Variants in PRKN observed in about 807,000 individuals in gnomAD.
The protein encoded by PRKN is E3 ubiquitin-protein ligase parkin.
Under a neutral mutation model 59.5 loss-of-function variants are expected in PRKN, and 56 were observed. The ratio of observed to expected loss-of-function variants is 0.94; its 90% CI spans 0.76 to 1.18. PRKN has a LOEUF of 1.18. Ranked by LOEUF, PRKN falls within the 50% of genes most tolerant of loss-of-function variation. The probability of loss-of-function intolerance (pLI) is 0.00; values close to 1 mark genes in which losing one functional copy is unlikely to be tolerated. For missense variants in PRKN, 657 were observed against 596.4 expected, an observed-to-expected ratio of 1.10 and a Z score of -1.06; for synonymous variants, 250 against 222.1, an observed-to-expected ratio of 1.13 and a Z score of -1.12.
chr6:162,500,301 A>G (rs1040054936), intron 1 of PRKN, among the ~76,000 whole-genome samples: 1 of 151,414 alleles, frequency 6.6e-6, no homozygotes, highest in Admixed American at 6.6e-5. Flanking sequence ...CCTCCTGAGT[A>G]GCTGGGATCA....
At chr6:162,537,649 C>T (rs1778774175) in intron 1 of PRKN, among the ~76,000 whole-genome samples, 2 of 152,176 alleles carry the variant, frequency 1.3e-5, no homozygotes, top group African/African-American at 4.8e-5. Context: ...ATATTGCAGG[C>T]AAACAGAATC....
chr6:162,243,328 C>T (rs547092467), intron 3 of PRKN, among the ~76,000 whole-genome samples: 138 of 152,194 alleles, frequency 9.1e-4, no homozygotes, highest in African/African-American at 3.1e-3. Context: ...AAGAAGCCAT[C>T]AAATTACATT....
At chr6:162,490,814 T>C (rs984772291) in intron 1 of PRKN, among the ~76,000 whole-genome samples, 9 of 152,170 alleles carry the variant, frequency 5.9e-5, no homozygotes, top group Non-Finnish European at 8.8e-5. Flanking sequence ...ACCTCAGCAC[T>C]GCCCTCACAC....
At chr6:161,951,928 A>G (rs1780005374) in intron 6 of PRKN, among the ~76,000 whole-genome samples, 1 of 151,502 alleles carries the variant, frequency 6.6e-6, no homozygotes, top group Non-Finnish European at 1.5e-5. Flanking sequence ...AAAAAAAAAA[A>G]AAAGAAAGGA....
At chr6:161,897,891 C>T (rs9355956) in intron 6 of PRKN, among the ~76,000 whole-genome samples, 8,230 of 134,630 alleles carry the variant, frequency 0.061, 356 homozygotes, top group East Asian at 0.16. Flanking sequence ...GGCGTGAACC[C>T]GGGAGGCGGA....
chr6:162,146,180 C>T (rs1782017245), intron 4 of PRKN, among the ~76,000 whole-genome samples: 1 of 152,126 alleles, frequency 6.6e-6, no homozygotes, highest in South Asian at 2.1e-4. Context: ...ATATAGCACC[C>T]ACGTAGCCAT....
At chr6:162,539,352 A>G (rs920803360) in intron 1 of PRKN, among the ~76,000 whole-genome samples, 8 of 152,202 alleles carry the variant, frequency 5.3e-5, no homozygotes, top group African/African-American at 1.2e-4. Flanking sequence ...AACCTGACCA[A>G]TGATATTTCA....
intron 6 of PRKN, among the ~76,000 whole-genome samples, chr6:161,917,604 A>G (rs1332319727): frequency 6.6e-6 from 1 of 152,192 alleles, no homozygotes; most frequent in Admixed American, 6.5e-5. Context: ...AAGTGAATAG[A>G]TCTTTAGACC....
chr6:162,334,191 GC>G (rs1447696078), intron 2 of PRKN, among the ~76,000 whole-genome samples: 1 of 152,208 alleles, frequency 6.6e-6, no homozygotes, highest in Non-Finnish European at 1.5e-5. Flanking sequence ...TGTAGAAGCT[GC>G]AGCAAGTTAT....
At chr6:161,947,371 T>C (rs1010253333) in intron 6 of PRKN, among the ~76,000 whole-genome samples, 2 of 152,210 alleles carry the variant, frequency 1.3e-5, no homozygotes, top group East Asian at 3.8e-4. Context: ...TGAATCAGAT[T>C]TGAAATATAC....
Position 161,391,308 on chromosome 6 carries a change from T to A in PRKN, c.1084-4431A>T, listed in dbSNP as rs962970856. ...CTGCATAATACCTCTCCAAACCTTA[T>A]GAGTCAACATTAACCGAATGGAAGT... On this transcript the variant is annotated intron_variant, in intron 9 of 11. Coordinates refer to ENST00000366898, the MANE Select transcript of PRKN (RefSeq NM_004562.3). The surrounding 1 kb of genome is among the most constrained non-coding windows in gnomAD (Gnocchi z 4.9). Among the ~76,000 whole-genome samples, 4 of 152,084 alleles carry A rather than the reference T, an allele frequency of 2.6e-5. No homozygotes were observed. The highest frequency in any genetic ancestry group is 9.7e-5 in the African/African-American group (4 of 41,366).
chr6:162,580,087 T>G (rs1278240368), intron 1 of PRKN, among the ~76,000 whole-genome samples: 1 of 152,186 alleles, frequency 6.6e-6, no homozygotes, highest in Non-Finnish European at 1.5e-5. Flanking sequence ...GGAGTTCATA[T>G]GACACAAGAC....
intron 1 of PRKN, among the ~76,000 whole-genome samples, chr6:162,517,747 G>T (rs1777925224): frequency 6.6e-6 from 1 of 151,926 alleles, no homozygotes; most frequent in South Asian, 2.1e-4. Context: ...CTGAATGAAG[G>T]AATCATTCTG....
chr6:161,794,936 G>C (rs1320943318), intron 6 of PRKN, among the ~76,000 whole-genome samples: 2 of 152,068 alleles, frequency 1.3e-5, no homozygotes, highest in African/African-American at 4.8e-5. Flanking sequence ...CCAGGCTGGA[G>C]TGCAGTGGCG....
intron 1 of PRKN, among the ~76,000 whole-genome samples, chr6:162,696,328 G>A (rs1893538): frequency 2.1e-3 from 324 of 152,144 alleles, no homozygotes; most frequent in African/African-American, 7.3e-3. Flanking sequence ...AAAGTGCCAC[G>A]CTCAAGAAAG....
intron 7 of PRKN, among the ~76,000 whole-genome samples, chr6:161,672,925 G>T (rs2128169573): frequency 6.6e-6 from 1 of 152,230 alleles, no homozygotes; most frequent in South Asian, 2.1e-4. Context: ...TGTTTTCTAT[G>T]AATTTCCTAC....
At chr6:162,542,083 G>A (rs1305202066) in intron 1 of PRKN, among the ~76,000 whole-genome samples, 1 of 152,118 alleles carries the variant, frequency 6.6e-6, no homozygotes, top group African/African-American at 2.4e-5. Flanking sequence ...AAGTTCCCAG[G>A]TTGCGGAAGG....
chr6:162,212,077 GT>G (rs1396262437), intron 3 of PRKN, among the ~76,000 whole-genome samples: 1 of 152,148 alleles, frequency 6.6e-6, no homozygotes, highest in Non-Finnish European at 1.5e-5. Context: ...CACTGGTACT[GT>G]GGGACCATGA....
intron 2 of PRKN, among the ~76,000 whole-genome samples, chr6:162,414,231 A>C (rs1257557225): frequency 1.3e-5 from 2 of 152,130 alleles, no homozygotes; most frequent in Non-Finnish European, 2.9e-5. Context: ...TGGCTTTAGG[A>C]AATGCACAGA....
Sources: gnomAD v4.1 joint callset for allele counts (sites outside exome capture counted in the v4.1 genomes callset) on GRCh38, gnomAD v4.1.1 for gene constraint, Gnocchi (gnomAD v3.1) non-coding constraint, MANE v1.5 for transcripts, NCBI Gene and HGNC (gene_info 2026-07-23, HGNC 2026-07-21) for gene names.